OR2A42: variants seen among roughly 807,000 people sequenced by gnomAD.
OR2A42 encodes olfactory receptor 2A1/2A42.
For missense variants in OR2A42, 3 were observed against 104.1 expected (o/e 0.03, Z 4.23); for synonymous variants, 5 against 46.4 (o/e 0.11, Z 3.63).
chr7:144,235,711 G>C, intron 2 of OR2A42, among the ~76,000 whole-genome samples: 1 of 152,024 alleles, frequency 6.6e-6, no homozygotes, highest in Non-Finnish European at 1.5e-5. Context: ...CATTCTACAT[G>C]ATACAAAGAA....
At position 144,230,586 on chromosome 7, in the gene OR2A42, G is replaced by C. The variant is rs1186854123; in HGVS notation, c.*1325C>G. The C allele has an allele frequency of 1.3e-5, 2 of 151,122 alleles. No individual in the cohort carries two copies. The highest frequency in any genetic ancestry group is 4.9e-5 in the African/African-American group (2 of 41,032). The allele number at this position is 151,122 out of a possible 1,614,324, so 9.4% of individuals were successfully genotyped here. ...ATGTGAGTGTTGTACGTGAACTAGA[G>C]ATGTCTTTGTTCTGGATCTTACCAC... On this transcript the variant is annotated 3_prime_UTR_variant, in exon 3 of 3. Transcript: ENST00000641810.
At chr7:144,238,281 TCTC>T (rs1173334903) in intron 2 of OR2A42, among the ~76,000 whole-genome samples, 148 bp downstream of exon 2, 1 of 136,602 alleles carries the variant, frequency 7.3e-6, no homozygotes, top group African/African-American at 2.8e-5. Context: ...TGCAGTTACT[TCTC>T]CATCATATAA....
intron 2 of OR2A42, among the ~76,000 whole-genome samples, chr7:144,235,784 A>G (rs1258608779): frequency 2.0e-5 from 3 of 148,624 alleles, no homozygotes; most frequent in East Asian, 2.0e-4. Flanking sequence ...AGGAGAGACT[A>G]AAAAAAAAAA....
chr7:144,237,663 C>CTA (rs1274951061), intron 2 of OR2A42, among the ~76,000 whole-genome samples: 2 of 150,596 alleles, frequency 1.3e-5, no homozygotes, highest in African/African-American at 2.4e-5. Flanking sequence ...ATACATTTGA[C>CTA]TATATATTGT....
chr7:144,229,693 A>G lies in OR2A42; in HGVS notation c.*2218T>C, dbSNP rs900430205. ...AGTATGCAGCATCTGCCGTGAAACT[A>G]AACAACCGTTTAAAAACTGTTCGGC... On this transcript the variant is annotated 3_prime_UTR_variant, in exon 3 of 3. Coordinates refer to ENST00000641810, the MANE Select transcript of OR2A42 (RefSeq NM_001001802.3). 6.7e-6 allele frequency: 1 copy of G among 150,314 alleles called. No individual in the cohort carries two copies. Among genetic ancestry groups the G allele is most frequent in the Non-Finnish European group, 1.5e-5 (1 of 67,278 alleles). The allele number at this position is 150,314 out of a possible 1,614,324, so 9.3% of individuals were successfully genotyped here. A position where few individuals can be genotyped will look rare whatever the true frequency, so the allele number is the denominator to read the frequency against.
rs1393549030 is a variant in OR2A42, at chr7:144,230,519, A to ATG, written c.*1391_*1392insCA. ...TAGTGCTTCACTAAGCACTGTGCGT[A>ATG]TATGTGTGTGTGTGTGTGTGCGCGC... On this transcript the variant is annotated 3_prime_UTR_variant, in exon 3 of 3. Coordinates refer to ENST00000641810, the MANE Select transcript of OR2A42 (RefSeq NM_001001802.3). 1 of 143,904 alleles carries ATG rather than the reference A, an allele frequency of 6.9e-6. No homozygotes were observed. Among genetic ancestry groups the ATG allele is most frequent in the African/African-American group, 2.8e-5 (1 of 35,304 alleles). 8.9% of individuals were successfully genotyped at this position (143,904 alleles called of 1,614,324 possible).
Position 144,229,809 on chromosome 7 carries a change from C to G in OR2A42, c.*2102G>C, listed in dbSNP as rs1253932851. 1 of 150,840 alleles carries G rather than the reference C, an allele frequency of 6.6e-6. No homozygotes were observed. The highest frequency in any genetic ancestry group is 1.5e-5 in the Non-Finnish European group (1 of 67,306). The allele number at this position is 150,840 out of a possible 1,614,324, so 9.3% of individuals were successfully genotyped here. A position where few individuals can be genotyped will look rare whatever the true frequency, so the allele number is the denominator to read the frequency against. On this transcript the variant is annotated 3_prime_UTR_variant, in exon 3 of 3. Transcript: ENST00000641810. ...TTGTTATTATTGTTGGAGACAAGGT[C>G]TCACTCTGTCACCCAGGCTGGAATG...
At position 144,229,700 on chromosome 7, in the gene OR2A42, C is replaced by T. The variant is rs1470525787; in HGVS notation, c.*2211G>A. 6.6e-5 allele frequency: 10 copies of T among 150,400 alleles called. No individual in the cohort carries two copies. The highest frequency in any genetic ancestry group is 1.7e-4 in the African/African-American group (7 of 41,082). 9.3% of individuals were successfully genotyped at this position (150,400 alleles called of 1,614,324 possible). A position where few individuals can be genotyped will look rare whatever the true frequency, so the allele number is the denominator to read the frequency against. ...AGCATCTGCCGTGAAACTAAACAAC[C>T]GTTTAAAAACTGTTCGGCAGCAATG... On this transcript the variant is annotated 3_prime_UTR_variant, in exon 3 of 3. Transcript: ENST00000641810.
intron 2 of OR2A42, among the ~76,000 whole-genome samples, chr7:144,235,096 A>C (rs917907157): frequency 6.8e-6 from 1 of 147,018 alleles, no homozygotes; most frequent in East Asian, 1.9e-4. Context: ...TTACAGGTGC[A>C]TGCCACCATA....
chr7:144,238,098 C>A (rs1256011955), intron 2 of OR2A42, among the ~76,000 whole-genome samples: 2 of 114,814 alleles, frequency 1.7e-5, no homozygotes, highest in Non-Finnish European at 3.6e-5. Context: ...ATTGTATGAA[C>A]CTGACAAGCA....
rs1230450841 is a variant in OR2A42 at position 144,230,485 on chromosome 7, T to A, written c.*1426A>T. 1 of 146,000 alleles carries A rather than the reference T, an allele frequency of 6.8e-6. No homozygotes were observed. Among genetic ancestry groups the A allele is most frequent in the Non-Finnish European group, 1.5e-5 (1 of 66,444 alleles). The allele number at this position is 146,000 out of a possible 1,614,324, so 9.0% of individuals were successfully genotyped here. On this transcript the variant is annotated 3_prime_UTR_variant, in exon 3 of 3. Transcript: ENST00000641810. The stretch of plus-strand genomic sequence containing the variant: ...ACTTAAAGAGCTCTTACTTGTAAGG[T>A]TCTTGGAATAGTGCTTCACTAAGCA...
chr7:144,235,750 T>TA (rs2052419611), intron 2 of OR2A42, among the ~76,000 whole-genome samples: 1 of 152,024 alleles, frequency 6.6e-6, no homozygotes. Flanking sequence ...GGATTAAATT[T>TA]ACCAAAGGGT....
chr7:144,235,318 C>G (rs2052413069), intron 2 of OR2A42, among the ~76,000 whole-genome samples: 1 of 150,788 alleles, frequency 6.6e-6, no homozygotes. Flanking sequence ...TGTAACTCCC[C>G]AAATGATTAT....
rs2052464337 is a variant in OR2A42 at position 144,238,796 on chromosome 7, C to T, written c.-316-53G>A. On this transcript the variant is annotated intron_variant, in intron 1 of 2. Transcript: ENST00000641810. ...GTTTTTTCTATTTCTGTTCTTAACC[C>T]CAGCAGGATGCACAATTAACAAACA... 3 of 150,502 alleles carry T rather than the reference C, an allele frequency of 2.0e-5. No individual in the cohort carries two copies. The South Asian group carries it at 6.3e-4, about 32-fold the overall frequency. The allele number at this position is 150,502 out of a possible 1,614,324, so 9.3% of individuals were successfully genotyped here.
chr7:144,237,762 C>A (rs2052449928), intron 2 of OR2A42, among the ~76,000 whole-genome samples: 1 of 149,808 alleles, frequency 6.7e-6, no homozygotes, highest in African/African-American at 2.5e-5. Flanking sequence ...CATTAATGAA[C>A]TCTCCACATT....
intron 2 of OR2A42, among the ~76,000 whole-genome samples, chr7:144,235,780 G>A (rs1316805371): frequency 6.6e-6 from 1 of 151,386 alleles, no homozygotes; most frequent in Non-Finnish European, 1.5e-5. Flanking sequence ...TGAAAGGAGA[G>A]ACTAAAAAAA....
At chr7:144,238,067 A>C (rs1314119027) in intron 2 of OR2A42, among the ~76,000 whole-genome samples, 555 of 122,606 alleles carry the variant, frequency 4.5e-3, no homozygotes, top group Non-Finnish European at 7.2e-3. Flanking sequence ...AGTCTTTAAC[A>C]ATTTCTTGAG....
intron 2 of OR2A42, among the ~76,000 whole-genome samples, chr7:144,235,079 G>C (rs1220118640): frequency 1.4e-5 from 2 of 146,844 alleles, no homozygotes; most frequent in Non-Finnish European, 3.0e-5. Flanking sequence ...CTCCCAAGTA[G>C]CTGGGATTAC....
intron 2 of OR2A42, among the ~76,000 whole-genome samples, 151 bp from the exon 3 acceptor site, chr7:144,232,998 TA>T (rs1432329812): frequency 2.0e-5 from 3 of 152,252 alleles, no homozygotes; most frequent in Non-Finnish European, 4.4e-5. Context: ...TATCCAGTGT[TA>T]TAGAAGGGAT....
Sources: allele counts gnomAD v4.1 joint callset (sites outside exome capture counted in the v4.1 genomes callset), GRCh38; gene constraint gnomAD v4.1.1; transcripts MANE v1.5; gene names NCBI Gene and HGNC (gene_info 2026-07-23, HGNC 2026-07-21).